The following CEBPZ variants were observed in gnomAD, a reference collection of about 807,000 sequenced individuals.
CEBPZ encodes the protein CCAAT enhancer binding protein zeta.
CEBPZ carries 78 observed loss-of-function variants against 104.5 expected under a neutral mutation model. The observed-to-expected ratio is 0.75, with a 90% CI of 0.62 to 0.90. The LOEUF (loss-of-function observed/expected upper bound fraction) is 0.90. CEBPZ is among the 40% of genes least tolerant of loss of function. The pLI, the probability that CEBPZ is intolerant of heterozygous loss-of-function variation, is 0.00. For synonymous variants in CEBPZ, 470 were observed against 427.0 expected, an observed-to-expected ratio of 1.10 and a Z score of -1.24; for missense variants, 1,439 against 1,233.5, an observed-to-expected ratio of 1.17 and a Z score of -2.50.
intron 2 of CEBPZ, among the ~76,000 whole-genome samples, chr2:37,224,334 G>A (rs1664834446): frequency 6.6e-6 from 1 of 152,080 alleles, no homozygotes; most frequent in Non-Finnish European, 1.5e-5. Flanking sequence ...GCAGATATTA[G>A]GACACCCAGA....
In CEBPZ at chr2:37,212,288, T is replaced by C. The variant is rs1425367452; in HGVS notation, c.2603+47A>G. ...GTCTACTGTTCTGAGGGACAACAATTTGGGAAATGCTAGAAAAATAGGAAG... is the reference window on the plus strand; with the variant it reads ...GTCTACTGTTCTGAGGGACAACAATCTGGGAAATGCTAGAAAAATAGGAAG... On this transcript the variant is annotated intron_variant, in intron 11 of 15. Coordinates refer to ENST00000234170, the MANE Select transcript of CEBPZ (RefSeq NM_005760.3). 2.6e-6 allele frequency: 4 copies of C among 1,534,180 alleles called. No homozygotes were observed. In the East Asian group the frequency reaches 6.8e-5, roughly 26 times the overall value.
chr2:37,222,909 C>A (rs1339816056), intron 3 of CEBPZ, among the ~76,000 whole-genome samples: 1 of 152,134 alleles, frequency 6.6e-6, no homozygotes, highest in East Asian at 1.9e-4. Flanking sequence ...CTTAAGAGGT[C>A]TACTAAGTTT....
At chr2:37,214,632 A>G (rs1392758361) in intron 9 of CEBPZ, among the ~76,000 whole-genome samples, 1 of 152,224 alleles carries the variant, frequency 6.6e-6, no homozygotes, top group East Asian at 1.9e-4. Context: ...TATTAAGATT[A>G]GCAAAATGAC....
At chr2:37,201,974 G>T in intron 15 of CEBPZ, 71 bp from the exon 16 acceptor site, 2 of 1,452,006 alleles carry the variant, frequency 1.4e-6, no homozygotes, top group East Asian at 2.3e-5. Context: ...AGAACATGCT[G>T]CTGAGTCACA....
At chr2:37,229,685 T>C (rs987508058) in intron 1 of CEBPZ, among the ~76,000 whole-genome samples, 43 of 152,154 alleles carry the variant, frequency 2.8e-4, no homozygotes, top group African/African-American at 1.0e-3. Flanking sequence ...CACACATCTG[T>C]TGGCCCAGCA....
rs535409684 is a variant in CEBPZ, at chr2:37,217,124, G to T, written c.2155-87C>A. 17 of 1,133,118 alleles carry T rather than the reference G, an allele frequency of 1.5e-5. No individual in the cohort carries two copies. In the African/African-American group the frequency reaches 2.0e-4, roughly 13 times the overall value. The allele number at this position is 1,133,118 out of a possible 1,614,324, so 70.2% of individuals were successfully genotyped here. On this transcript the variant is annotated intron_variant, in intron 5 of 15. Transcript: ENST00000234170. ...CTTATTTAAGAAAATCGGGCTGGGT[G>T]TGGTGGCTCACACCTGTAATTCCAG...
At chr2:37,201,936 C>T (rs1365623735) in intron 15 of CEBPZ, 33 bp from the exon 16 acceptor site, 1 of 1,598,750 alleles carries the variant, frequency 6.3e-7, no homozygotes, top group Non-Finnish European at 8.5e-7. Flanking sequence ...GAGTGTACTA[C>T]CACACTGTAG....
rs775103343 is a variant in CEBPZ, at chr2:37,201,951, T to C, written c.3026-48A>G. 6 of 1,554,016 alleles carry C rather than the reference T, an allele frequency of 3.9e-6. No individual in the cohort carries two copies. In the Admixed American group the frequency reaches 7.8e-5, roughly 20 times the overall value. On this transcript the variant is annotated intron_variant, in intron 15 of 15. Transcript: ENST00000234170. ...GAGTGTACTACCACACTGTAGACTC[T>C]TGGTGGTCCCACAGAACATGCTGCT...
chr2:37,209,417 A>C (rs1387232714), intron 13 of CEBPZ: 1 of 152,232 alleles, frequency 6.6e-6, no homozygotes, highest in Non-Finnish European at 1.5e-5. Flanking sequence ...TTGTTACCAA[A>C]ATAGCATGGT....
chr2:37,207,416 T>G (rs985711955), intron 13 of CEBPZ, among the ~76,000 whole-genome samples: 13 of 152,076 alleles, frequency 8.5e-5, no homozygotes, highest in Admixed American at 6.5e-5. Flanking sequence ...AAAACAAGTC[T>G]CAATAAACTT....
intron 11 of CEBPZ, 136 bp from the exon 12 acceptor site, chr2:37,212,175 C>T (rs563544056): frequency 1.5e-3 from 1,438 of 976,938 alleles, no homozygotes; most frequent in Non-Finnish European, 1.7e-3. Flanking sequence ...TAAATAATAA[C>T]GTGCTTTATA....
chr2:37,215,953 A>C (rs1222965640), intron 8 of CEBPZ, among the ~76,000 whole-genome samples, 187 bp downstream of exon 8: 1 of 118,304 alleles, frequency 8.5e-6, no homozygotes, highest in Non-Finnish European at 1.9e-5. Flanking sequence ...AATAAAGTTA[A>C]AAAAAAAAAA....
chr2:37,217,130 G>T, intron 5 of CEBPZ, 93 bp from the exon 6 acceptor site: 1 of 994,082 alleles, frequency 1.0e-6, no homozygotes, highest in Non-Finnish European at 1.6e-6. Context: ...GGGTGTGGTG[G>T]CTCACACCTG....
chr2:37,208,283 C>T (rs553744373), intron 13 of CEBPZ, among the ~76,000 whole-genome samples: 32 of 152,166 alleles, frequency 2.1e-4, no homozygotes, highest in Middle Eastern at 6.8e-3. Context: ...GGGAATCCTC[C>T]CTAAATCATT....
At chr2:37,204,277 ATT>A (rs531479622) in intron 13 of CEBPZ, 86 of 109,258 alleles carry the variant, frequency 7.9e-4, no homozygotes, top group Admixed American at 1.7e-3. Context: ...CTAATTTTTG[ATT>A]TTTTTTTTTT....
intron 15 of CEBPZ, chr2:37,202,175 G>T: frequency 4.5e-4 from 85 of 188,688 alleles, no homozygotes; most frequent in East Asian, 7.9e-4. Flanking sequence ...ATAAAAACCA[G>T]TAACAATCAA....
rs1664922495 is a variant in CEBPZ at position 37,227,632 on chromosome 2, T to TA, written c.1560dup (p.Asn521Ter). 1 of 1,614,032 alleles carries TA rather than the reference T, an allele frequency of 6.2e-7. No individual in the cohort carries two copies. Among genetic ancestry groups the TA allele is most frequent in the Admixed American group, 1.7e-5 (1 of 59,994 alleles). ...AACATTAAAGCCTGGACACTGGTAT[T>TA]AAAATTCACAATATGCAACACTTTA... On this transcript the variant is annotated frameshift_variant, in exon 2 of 16. Coordinates refer to ENST00000234170, the MANE Select transcript of CEBPZ (RefSeq NM_005760.3). LOFTEE classifies it high-confidence loss of function.
intron 9 of CEBPZ, among the ~76,000 whole-genome samples, chr2:37,214,313 C>G (rs1161920772): frequency 6.6e-6 from 1 of 151,994 alleles, no homozygotes; most frequent in South Asian, 2.1e-4. Flanking sequence ...AACCAGTCAA[C>G]CAGATGAGAT....
At chr2:37,219,049 A>AT (rs35784788) in intron 5 of CEBPZ, among the ~76,000 whole-genome samples, 1 of 152,220 alleles carries the variant, frequency 6.6e-6, no homozygotes, top group Admixed American at 6.5e-5. Flanking sequence ...TGGTTACAAG[A>AT]TTTTTAAAAC....
Sources: allele counts gnomAD v4.1 joint callset (sites outside exome capture counted in the v4.1 genomes callset), GRCh38; gene constraint gnomAD v4.1.1; transcripts MANE v1.5; gene names NCBI Gene and HGNC (gene_info 2026-07-23, HGNC 2026-07-21).